The following PPP1R16B variants were observed in gnomAD, a reference collection of about 807,000 sequenced individuals.
PPP1R16B encodes protein phosphatase 1 regulatory inhibitor subunit 16B.
PPP1R16B carries 14 observed loss-of-function variants against 61.7 expected under a neutral mutation model. The observed-to-expected ratio is 0.23, with a 90% CI of 0.15 to 0.35. PPP1R16B has a LOEUF of 0.35. Among genes scored for constraint, PPP1R16B ranks in the 10% least tolerant of loss-of-function variants. The pLI, the probability that PPP1R16B is intolerant of heterozygous loss-of-function variation, is 1.00. For synonymous variants in PPP1R16B, 266 were observed against 305.3 expected, an observed-to-expected ratio of 0.87 and a Z score of 1.34; for missense variants, 547 against 752.5, an observed-to-expected ratio of 0.73 and a Z score of 3.19.
Position 38,921,608 on chromosome 20 carries a change from TGG to T in PPP1R16B, c.*2944_*2945del, listed in dbSNP as rs1440546001. 3.9e-5 allele frequency: 6 copies of T among 152,220 alleles called. No individual in the cohort carries two copies. The highest frequency in any genetic ancestry group is 8.8e-5 in the Non-Finnish European group (6 of 68,042). The allele number at this position is 152,220 out of a possible 1,614,324, so 9.4% of individuals were successfully genotyped here. On this transcript the variant is annotated 3_prime_UTR_variant, in exon 11 of 11. Coordinates refer to ENST00000299824, the MANE Select transcript of PPP1R16B (RefSeq NM_015568.4). Reference sequence around the variant, plus strand: ...GCCACCAAGTATAGATGCTGGATCTTGGGTTCCAGGCAGACATCATCCAGGTC... The same window carrying T: ...GCCACCAAGTATAGATGCTGGATCTTGTTCCAGGCAGACATCATCCAGGTC...
intron 1 of PPP1R16B, among the ~76,000 whole-genome samples, chr20:38,818,941 G>C (rs1286933219): frequency 6.6e-6 from 1 of 151,926 alleles, no homozygotes; most frequent in Non-Finnish European, 1.5e-5. Context: ...ACCACACCCA[G>C]CTAATTTTTT....
chr20:38,884,898 C>G (rs916958324), intron 2 of PPP1R16B, among the ~76,000 whole-genome samples: 2 of 151,666 alleles, frequency 1.3e-5, no homozygotes, highest in African/African-American at 2.4e-5. Flanking sequence ...GGTGAAACCC[C>G]GTCTCTACTA....
chr20:38,828,200 G>A (rs1055571070), intron 1 of PPP1R16B, among the ~76,000 whole-genome samples: 1 of 152,214 alleles, frequency 6.6e-6, no homozygotes, highest in Admixed American at 6.5e-5. Context: ...GAATTAAGCA[G>A]TCACAAAGCC....
intron 2 of PPP1R16B, among the ~76,000 whole-genome samples, chr20:38,861,944 G>A (rs2145737687): frequency 6.6e-6 from 1 of 152,234 alleles, no homozygotes; most frequent in South Asian, 2.1e-4. Flanking sequence ...CAAAGTGCTG[G>A]GATTACAGGC....
chr20:38,894,111 CCCGCACCCCCGCA>C (rs2085314081), intron 3 of PPP1R16B, among the ~76,000 whole-genome samples: 1 of 151,814 alleles, frequency 6.6e-6, no homozygotes, highest in Non-Finnish European at 1.5e-5. Flanking sequence ...CACCGTCCCC[CCCGCACCCCCGCA>C]CCCCCGCCCC....
intron 10 of PPP1R16B, among the ~76,000 whole-genome samples, chr20:38,911,171 C>CT (rs1260598259): frequency 0.02 from 2,488 of 125,242 alleles, 32 homozygotes; most frequent in African/African-American, 0.029. Context: ...TTTTCTTTTT[C>CT]TTTTTTTTTT....
At chr20:38,910,072 G>A (rs1273259353) in intron 10 of PPP1R16B, among the ~76,000 whole-genome samples, 1 of 151,526 alleles carries the variant, frequency 6.6e-6, no homozygotes, top group Non-Finnish European at 1.5e-5. Flanking sequence ...CTGTGCTCCC[G>A]GGTTCAAGCG....
chr20:38,857,726 C>G (rs1005451434), intron 2 of PPP1R16B, among the ~76,000 whole-genome samples: 1 of 152,116 alleles, frequency 6.6e-6, no homozygotes, highest in Non-Finnish European at 1.5e-5. Flanking sequence ...TTGGTGTGCT[C>G]TGGTTAATAA....
At chr20:38,841,320 G>A (rs534447806) in intron 2 of PPP1R16B, among the ~76,000 whole-genome samples, 1 of 126,584 alleles carries the variant, frequency 7.9e-6, no homozygotes, top group Admixed American at 9.4e-5. Context: ...AAGCCCAGGA[G>A]TTCTAGACCA....
chr20:38,865,783 C>A (rs531262929), intron 2 of PPP1R16B, among the ~76,000 whole-genome samples: 2 of 152,292 alleles, frequency 1.3e-5, no homozygotes, highest in South Asian at 2.1e-4. Flanking sequence ...GCGGCCCCTG[C>A]AGAGCCTGCC....
rs1489459377 is a variant in PPP1R16B at position 38,895,927 on chromosome 20, T to TC, written c.467+219dup. Among the ~76,000 whole-genome samples, 213 of 73,926 alleles carry TC rather than the reference T, an allele frequency of 2.9e-3. 20 individuals carry two copies. The highest frequency in any genetic ancestry group is 0.014 in the African/African-American group (200 of 14,224). The allele number at this position is 73,926 out of a possible 152,430, so 48.5% of individuals were successfully genotyped here. A position where few individuals can be genotyped will look rare whatever the true frequency, so the allele number is the denominator to read the frequency against. ...CTTCCTTCTTTCTTCCCTCCCTCCCTCCTTCCTTCTTTCTTCCCTCCCTCC... is the reference window on the plus strand; with the variant it reads ...CTTCCTTCTTTCTTCCCTCCCTCCCTCCCTTCCTTCTTTCTTCCCTCCCTCC... On this transcript the variant is annotated intron_variant, in intron 4 of 10. Transcript: ENST00000299824.
intron 1 of PPP1R16B, among the ~76,000 whole-genome samples, chr20:38,821,247 C>T (rs972144394): frequency 6.6e-6 from 1 of 152,062 alleles, no homozygotes; most frequent in Non-Finnish European, 1.5e-5. Flanking sequence ...CTGTGATGTC[C>T]CAGAGTTTTT....
At chr20:38,891,461 C>T (rs1050047788) in intron 3 of PPP1R16B, among the ~76,000 whole-genome samples, 1 of 152,140 alleles carries the variant, frequency 6.6e-6, no homozygotes, top group African/African-American at 2.4e-5. Context: ...CAAATTACTT[C>T]AGTTATATAT....
At chr20:38,849,549 A>G (rs1343688683) in intron 2 of PPP1R16B, among the ~76,000 whole-genome samples, 2 of 152,106 alleles carry the variant, frequency 1.3e-5, no homozygotes, top group African/African-American at 2.4e-5. Flanking sequence ...GTATGACTTA[A>G]GTTTCCATTA....
chr20:38,866,786 T>G (rs1178105198), intron 2 of PPP1R16B, among the ~76,000 whole-genome samples: 1 of 152,118 alleles, frequency 6.6e-6, no homozygotes, highest in Non-Finnish European at 1.5e-5. Context: ...AACACAAAAT[T>G]AACCATTTAA....
chr20:38,869,451 G>A (rs113691523), intron 2 of PPP1R16B, among the ~76,000 whole-genome samples: 5,434 of 152,174 alleles, frequency 0.036, 186 homozygotes, highest in African/African-American at 0.083. Context: ...GAGCCACCGC[G>A]CCTGGCCTAT....
chr20:38,888,985 C>G (rs1024306268), intron 2 of PPP1R16B, among the ~76,000 whole-genome samples: 1 of 151,796 alleles, frequency 6.6e-6, no homozygotes, highest in Non-Finnish European at 1.5e-5. Context: ...CCCTCCTTCC[C>G]CAGGGCTCAG....
chr20:38,902,466 C>G (rs918831524), intron 5 of PPP1R16B, among the ~76,000 whole-genome samples: 4 of 152,222 alleles, frequency 2.6e-5, no homozygotes, highest in African/African-American at 9.7e-5. Context: ...CTAGTGGGTG[C>G]CAGGCAGGAA....
intron 1 of PPP1R16B, among the ~76,000 whole-genome samples, chr20:38,832,891 C>T (rs1000550535): frequency 2.0e-5 from 3 of 149,116 alleles, no homozygotes; most frequent in African/African-American, 7.5e-5. Context: ...GCACTCCAGC[C>T]TGGGCGACAG....
Sources: gnomAD v4.1 joint callset for allele counts (sites outside exome capture counted in the v4.1 genomes callset) on GRCh38, gnomAD v4.1.1 for gene constraint, MANE v1.5 for transcripts, NCBI Gene and HGNC (gene_info 2026-07-23, HGNC 2026-07-21) for gene names.